The following SCML4 variants were observed in gnomAD, a reference collection of about 807,000 sequenced individuals.
SCML4 encodes the protein Scm polycomb group protein like 4.
Under a neutral mutation model 41.1 loss-of-function variants are expected in SCML4, and 34 were observed. The ratio of observed to expected loss-of-function variants is 0.83; its 90% CI spans 0.63 to 1.10. The LOEUF (loss-of-function observed/expected upper bound fraction) is 1.10. Ranked by LOEUF, SCML4 falls within the 50% of genes least tolerant of loss-of-function variation. The pLI, the probability that SCML4 is intolerant of heterozygous loss-of-function variation, is 0.00. For missense variants in SCML4, 522 were observed against 534.1 expected (o/e 0.98, Z 0.22); for synonymous variants, 214 against 220.9 (o/e 0.97, Z 0.28).
chr6:107,732,344 G>T (rs1041532981), intron 5 of SCML4: 3 of 152,164 alleles, frequency 2.0e-5, no homozygotes, highest in African/African-American at 7.2e-5. Context: ...CCATTAACTT[G>T]GTCTCTGGCC....
chr6:107,826,198 C>T (rs1485723252), upstream of SCML4, among the ~76,000 whole-genome samples: 1 of 149,874 alleles, frequency 6.7e-6, no homozygotes, highest in African/African-American at 2.5e-5. Context: ...GAGCTGAGAT[C>T]ACGCCATTGC....
intron 6 of SCML4, 90 bp from the exon 7 acceptor site, chr6:107,708,101 G>A (rs1773857151): frequency 6.9e-7 from 1 of 1,451,246 alleles, no homozygotes; most frequent in Non-Finnish European, 9.2e-7. Flanking sequence ...AGCCTGGAAG[G>A]GGGATCCTCA....
chr6:107,784,128 C>T (rs932700619), intron 1 of SCML4, among the ~76,000 whole-genome samples: 2 of 152,188 alleles, frequency 1.3e-5, no homozygotes, highest in Admixed American at 6.5e-5. Flanking sequence ...AACAGACAGA[C>T]ATGAAAAGGA....
chr6:107,728,880 G>A (rs988051047), intron 5 of SCML4, among the ~76,000 whole-genome samples: 10 of 152,180 alleles, frequency 6.6e-5, no homozygotes, highest in African/African-American at 1.9e-4. Context: ...TGAACAGCAC[G>A]TTCAGATGCA....
At chr6:107,831,931 C>T in the SCML4 span, among the ~76,000 whole-genome samples, 81 of 151,958 alleles carry the variant, frequency 5.3e-4, 1 homozygote, top group Non-Finnish European at 8.5e-4. Flanking sequence ...GGCATGGTGG[C>T]GCATGCCTGT....
At chr6:107,795,316 T>A (rs1257363687) in intron 1 of SCML4, among the ~76,000 whole-genome samples, 2 of 152,216 alleles carry the variant, frequency 1.3e-5, no homozygotes, top group Non-Finnish European at 2.9e-5. Flanking sequence ...CCATTTTTTT[T>A]AACCTCCCTG....
At chr6:107,822,577 CA>C (rs1430500020) in intron 1 of SCML4, among the ~76,000 whole-genome samples, 12 of 144,288 alleles carry the variant, frequency 8.3e-5, no homozygotes, top group African/African-American at 3.0e-4. Flanking sequence ...ACATGTTATA[CA>C]TGAAAGAACT....
the SCML4 span, among the ~76,000 whole-genome samples, chr6:107,833,649 GA>G: frequency 6.6e-6 from 1 of 152,138 alleles, no homozygotes; most frequent in South Asian, 2.1e-4. Context: ...CTCCGGAGAG[GA>G]AGTCCAGGCT....
the SCML4 span, among the ~76,000 whole-genome samples, chr6:107,837,214 T>C: frequency 5.3e-5 from 8 of 152,178 alleles, no homozygotes; most frequent in South Asian, 2.1e-4. Flanking sequence ...AGGATCTGCA[T>C]TGAGAGGCAA....
chr6:107,777,826 C>G (rs1781076758), intron 1 of SCML4, among the ~76,000 whole-genome samples: 2 of 152,120 alleles, frequency 1.3e-5, no homozygotes, highest in African/African-American at 4.8e-5. Flanking sequence ...GGCCACTGCT[C>G]TTTTCCCAGA....
At chr6:107,772,781 C>T (rs1194597348) in intron 1 of SCML4, among the ~76,000 whole-genome samples, 1 of 152,204 alleles carries the variant, frequency 6.6e-6, no homozygotes, top group Non-Finnish European at 1.5e-5. Context: ...GCCACTCTCT[C>T]ATGTTCACTC....
rs561316135 is a variant in SCML4 at position 107,822,395 on chromosome 6, C to T, written c.-60+1731G>A. ...AACTGCTTCTGCTGATTTCCCTCGC[C>T]TCGAAAACACACCACCAAAAGCAAA... On this transcript the variant is annotated intron_variant, in intron 1 of 7. Transcript: ENST00000369020. Among the ~76,000 whole-genome samples, 6 of 152,220 alleles carry T rather than the reference C, an allele frequency of 3.9e-5. No homozygotes were observed. In the East Asian group the frequency reaches 9.7e-4, roughly 25 times the overall value.
chr6:107,752,247 G>A (rs2354764), intron 2 of SCML4, among the ~76,000 whole-genome samples: 21,167 of 151,890 alleles, frequency 0.14, 1,744 homozygotes, highest in Middle Eastern at 0.19. Flanking sequence ...TAGAGTGGAG[G>A]GGGCTAGAGA....
chr6:107,832,028 A>T, the SCML4 span, among the ~76,000 whole-genome samples: 1 of 149,246 alleles, frequency 6.7e-6, no homozygotes, highest in African/African-American at 2.5e-5. Flanking sequence ...GAGCCACTGC[A>T]CTCCAGCCTG....
chr6:107,790,073 G>A (rs79767902), intron 1 of SCML4, among the ~76,000 whole-genome samples: 4,321 of 152,242 alleles, frequency 0.028, 234 homozygotes, highest in African/African-American at 0.099. Flanking sequence ...TTTCAGCACT[G>A]GCACCTGGTC....
At chr6:107,812,603 A>G (rs1784237527) in intron 1 of SCML4, among the ~76,000 whole-genome samples, 1 of 152,190 alleles carries the variant, frequency 6.6e-6, no homozygotes, top group Non-Finnish European at 1.5e-5. Flanking sequence ...CACCCAATCC[A>G]TCGAAGGCCT....
At chr6:107,836,066 T>TAATC in the SCML4 span, among the ~76,000 whole-genome samples, 2 of 152,070 alleles carry the variant, frequency 1.3e-5, no homozygotes, top group African/African-American at 4.8e-5. Flanking sequence ...CTAACATGAA[T>TAATC]AATCTAAAGT....
chr6:107,805,601 T>G (rs1193453116), intron 1 of SCML4, among the ~76,000 whole-genome samples: 1 of 152,224 alleles, frequency 6.6e-6, no homozygotes, highest in Non-Finnish European at 1.5e-5. Context: ...ACATGAAAGC[T>G]GTCAAACTAC....
At chr6:107,809,893 A>T (rs919281429) in intron 1 of SCML4, among the ~76,000 whole-genome samples, 1 of 152,112 alleles carries the variant, frequency 6.6e-6, no homozygotes, top group Admixed American at 6.5e-5. Flanking sequence ...GCACTTTGGG[A>T]GACGGAGGTG....
Sources: allele counts gnomAD v4.1 joint callset (sites outside exome capture counted in the v4.1 genomes callset), GRCh38; gene constraint gnomAD v4.1.1; transcripts MANE v1.5; gene names NCBI Gene and HGNC (gene_info 2026-07-23, HGNC 2026-07-21).